Variants in SP100 observed in about 807,000 individuals in gnomAD.
SP100 encodes the protein nuclear autoantigen Sp-100.
A neutral mutation model predicts 130.0 loss-of-function variants in SP100; 84 were observed. That is an observed-to-expected ratio of 0.65 (90% CI 0.54 to 0.77). The LOEUF is 0.77. SP100 is among the 30% of genes least tolerant of loss of function. The pLI is 0.00. For missense variants in SP100, 978 were observed against 1,052.2 expected, an observed-to-expected ratio of 0.93 and a Z score of 0.97; for synonymous variants, 331 against 351.7, an observed-to-expected ratio of 0.94 and a Z score of 0.66.
At chr2:230,466,806 A>C (rs922638268) in intron 12 of SP100, among the ~76,000 whole-genome samples, 1 of 152,220 alleles carries the variant, frequency 6.6e-6, no homozygotes, top group East Asian at 1.9e-4. Flanking sequence ...CAACAAAACC[A>C]TAAAGGGACA....
In SP100 at chr2:230,470,199, A is replaced by G; in HGVS notation, c.1429+101A>G. The stretch of plus-strand genomic sequence containing the variant: ...GCTTTTTATTCTGAGCACCTTCACT[A>G]CCTTGTATCCAGTTCATCTGGGAAC... On this transcript the variant is annotated intron_variant, in intron 15 of 28. Transcript: ENST00000340126. 3.4e-6 allele frequency: 5 copies of G among 1,486,472 alleles called. No individual in the cohort carries two copies. The South Asian group carries it at 6.7e-5, about 20-fold the overall frequency. The allele number at this position is 1,486,472 out of a possible 1,614,324, so 92.1% of individuals were successfully genotyped here.
chr2:230,524,179 C>CAAAAAAAAAAAA (rs71420292), intron 24 of SP100, among the ~76,000 whole-genome samples: 13 of 75,364 alleles, frequency 1.7e-4, no homozygotes, highest in Admixed American at 3.5e-4. Flanking sequence ...ACTAAAAATA[C>CAAAAAAAAAAAA]AAAAAAAAAA....
intron 15 of SP100, among the ~76,000 whole-genome samples, chr2:230,471,689 AG>A (rs1467097782): frequency 6.6e-6 from 1 of 152,090 alleles, no homozygotes; most frequent in Admixed American, 6.5e-5. Context: ...TGCTTGCGAC[AG>A]GTTTGAGGGA....
intron 2 of SP100, among the ~76,000 whole-genome samples, chr2:230,420,356 T>C (rs2062732686): frequency 6.6e-6 from 1 of 152,196 alleles, no homozygotes; most frequent in Admixed American, 6.5e-5. Flanking sequence ...TCAGAATTTA[T>C]ACCTGTATAC....
At chr2:230,508,310 A>AAATTT in intron 23 of SP100, 3 of 129,142 alleles carry the variant, frequency 2.3e-5, no homozygotes, top group Non-Finnish European at 3.9e-5. Context: ...TAAATGCCAT[A>AAATTT]CTTTTTTTTT....
At position 230,469,789 on chromosome 2, in the gene SP100, A is replaced by G. The variant is rs2065172945; in HGVS notation, c.1346-226A>G. The G allele has an allele frequency of 2.2e-6, 3 of 1,376,702 alleles. 1 individual carries two copies. In the East Asian group the frequency reaches 1.0e-4, roughly 48 times the overall value. 85.3% of individuals were successfully genotyped at this position (1,376,702 alleles called of 1,614,324 possible). ...ATATTTTTCCCAAAGTTAAAAAAAA[A>G]AAAGAAGAAGAAACAATGTCATCCC... On this transcript the variant is annotated intron_variant, in intron 14 of 28. Transcript: ENST00000340126.
intron 24 of SP100, among the ~76,000 whole-genome samples, chr2:230,523,645 A>C (rs1188604008): frequency 6.6e-6 from 1 of 152,246 alleles, no homozygotes; most frequent in Non-Finnish European, 1.5e-5. Context: ...GTGGTTGCTC[A>C]CACCTGTTAT....
At chr2:230,456,390 G>A (rs1334916911) in intron 8 of SP100, among the ~76,000 whole-genome samples, 1 of 152,136 alleles carries the variant, frequency 6.6e-6, no homozygotes, top group East Asian at 1.9e-4. Context: ...TTTTGGTGTA[G>A]TCGTGTTTGC....
chr2:230,514,221 C>G (rs758803575), intron 24 of SP100, among the ~76,000 whole-genome samples: 8 of 152,194 alleles, frequency 5.3e-5, no homozygotes, highest in Non-Finnish European at 8.8e-5. Context: ...GTTGCTGTTG[C>G]TAGTCTTCAG....
chr2:230,496,127 A>G (rs898872043), intron 18 of SP100, among the ~76,000 whole-genome samples: 1 of 151,998 alleles, frequency 6.6e-6, no homozygotes, highest in Non-Finnish European at 1.5e-5. Context: ...TCATGTTTCT[A>G]CTGGTTTCTA....
intron 19 of SP100, 26 bp downstream of exon 19, chr2:230,498,561 AT>A: frequency 8.1e-7 from 1 of 1,238,482 alleles, no homozygotes; most frequent in Non-Finnish European, 1.1e-6. Context: ...TACATTTTAA[AT>A]AAATAACGTC....
chr2:230,538,969 CA>C, intron 24 of SP100: 1 of 249,346 alleles, frequency 4.0e-6, no homozygotes, highest in Non-Finnish European at 8.1e-6. Context: ...ATTTCTGGGC[CA>C]GGTTTTCCCA....
intron 24 of SP100, chr2:230,515,297 C>G: frequency 6.2e-7 from 1 of 1,612,034 alleles, no homozygotes; most frequent in Non-Finnish European, 8.5e-7. Context: ...TTCAAGGATC[C>G]CAATGCACCC....
chr2:230,501,213 A>T (rs1320249364), intron 19 of SP100, among the ~76,000 whole-genome samples: 1 of 152,198 alleles, frequency 6.6e-6, no homozygotes, highest in African/African-American at 2.4e-5. Context: ...ACTGCACTCC[A>T]GCCTGAGCAA....
chr2:230,526,599 G>T (rs1208146044), intron 24 of SP100, among the ~76,000 whole-genome samples: 1 of 152,010 alleles, frequency 6.6e-6, no homozygotes, highest in African/African-American at 2.4e-5. Flanking sequence ...CAGAAGGTCA[G>T]TAATAGCAAA....
chr2:230,500,248 T>C (rs1462241070), intron 19 of SP100, among the ~76,000 whole-genome samples: 1 of 152,240 alleles, frequency 6.6e-6, no homozygotes, highest in East Asian at 1.9e-4. Context: ...AGTCCTACTT[T>C]GTCCAGGCAT....
chr2:230,505,878 G>T (rs1690050190), intron 21 of SP100, among the ~76,000 whole-genome samples: 1 of 152,102 alleles, frequency 6.6e-6, no homozygotes, highest in African/African-American at 2.4e-5. Flanking sequence ...CTTCCACATG[G>T]CCACTTGGGG....
At chr2:230,475,264 T>C (rs2065482477) in intron 17 of SP100, among the ~76,000 whole-genome samples, 1 of 152,186 alleles carries the variant, frequency 6.6e-6, no homozygotes, top group African/African-American at 2.4e-5. Context: ...TCACTGTGAT[T>C]CTGATTTGCA....
intron 11 of SP100, among the ~76,000 whole-genome samples, chr2:230,466,053 T>C (rs1252722047): frequency 4.0e-5 from 6 of 151,490 alleles, no homozygotes; most frequent in Non-Finnish European, 8.8e-5. Flanking sequence ...GGCTTGGTGG[T>C]GCACAACTAT....
Sources: allele counts gnomAD v4.1 joint callset (sites outside exome capture counted in the v4.1 genomes callset), GRCh38; gene constraint gnomAD v4.1.1; transcripts MANE v1.5; gene names NCBI Gene and HGNC (gene_info 2026-07-23, HGNC 2026-07-21).